The following USP7 variants were observed in gnomAD, a reference collection of about 807,000 sequenced individuals.
USP7 encodes the protein ubiquitin C-terminal hydrolase 7.
USP7 carries 9 observed loss-of-function variants against 162.9 expected under a neutral mutation model. The observed-to-expected ratio is 0.06, with a 90% CI of 0.03 to 0.10. USP7 has a LOEUF of 0.10. Ranked by LOEUF, USP7 falls within the 10% of genes least tolerant of loss-of-function variation. The probability of loss-of-function intolerance (pLI) is 1.00; values close to 1 mark genes in which losing one functional copy is unlikely to be tolerated. For synonymous variants in USP7, 562 were observed against 475.9 expected (o/e 1.18, Z -2.35); for missense variants, 715 against 1,373.7 (o/e 0.52, Z 7.58).
chr16:8,914,532 A>G (rs898780037), intron 10 of USP7, among the ~76,000 whole-genome samples: 28 of 152,244 alleles, frequency 1.8e-4, no homozygotes, highest in Non-Finnish European at 4.0e-4. Flanking sequence ...TTTTTGTGGT[A>G]TATTCTCAAA....
Position 8,902,183 on chromosome 16 carries a change from A to G in USP7, c.1946T>C (p.Ile649Thr), listed in dbSNP as rs1268381437. 6.2e-7 allele frequency: 1 copy of G among 1,613,946 alleles called. No individual in the cohort carries two copies. Among genetic ancestry groups the G allele is most frequent in the Non-Finnish European group, 8.5e-7 (1 of 1,180,000 alleles). ...AGGGTTTTCATTATCACTGAGCTCA[A>G]TCATCTATTTCCAAAAGAGACGCTG... ...DNEADGNKTM[I>T]ELSDNENPWT... The change falls in exon 18 of 31, where the codon ATT becomes ACT. Residue 649 changes from isoleucine (I) to threonine (T), a missense_variant. This residue lies in a region of USP7 where 197 missense variants were observed against 306.5 expected (regional missense o/e 0.64). Coordinates refer to ENST00000344836, the MANE Select transcript of USP7 (RefSeq NM_003470.3).
chr16:8,937,784 A>C (rs1898833207), intron 1 of USP7, among the ~76,000 whole-genome samples: 1 of 152,254 alleles, frequency 6.6e-6, no homozygotes, highest in African/African-American at 2.4e-5. Flanking sequence ...ACAAAAAAGC[A>C]GTTTGGGAGA....
chr16:8,954,870 G>C (rs1899719810), intron 1 of USP7, among the ~76,000 whole-genome samples: 1 of 152,300 alleles, frequency 6.6e-6, no homozygotes, highest in East Asian at 1.9e-4. Context: ...TGAGGCGGGA[G>C]AATGGTGTGA....
rs1567203399 is a variant in USP7, at chr16:8,894,536, G to GGC, written c.3202+13_3202+14insGC. ...GAAACCCACACCAGCCCCCGGGGGG[G>GGC]GGAGAACCCTTACCGGGCTGTGGCT... is the stretch of plus-strand genomic sequence containing the variant. On this transcript the variant is annotated intron_variant, in intron 30 of 30. Coordinates refer to ENST00000344836, the MANE Select transcript of USP7 (RefSeq NM_003470.3). 6.2e-7 allele frequency: 1 copy of GGC among 1,610,504 alleles called. No individual in the cohort carries two copies. Among genetic ancestry groups the GGC allele is most frequent in the Non-Finnish European group, 8.5e-7 (1 of 1,179,730 alleles).
At chr16:8,937,607 G>A (rs1898823476) in intron 1 of USP7, among the ~76,000 whole-genome samples, 1 of 152,134 alleles carries the variant, frequency 6.6e-6, no homozygotes, top group African/African-American at 2.4e-5. Context: ...GGCTGAGGTG[G>A]GACGTAAAGG....
At chr16:8,954,670 C>T (rs558054338) in intron 1 of USP7, among the ~76,000 whole-genome samples, 7 of 152,250 alleles carry the variant, frequency 4.6e-5, no homozygotes, top group African/African-American at 1.7e-4. Context: ...TTGAGGTTTG[C>T]GTAGTTTAAT....
chr16:8,949,040 G>A (rs893185310), intron 1 of USP7, among the ~76,000 whole-genome samples: 25 of 152,178 alleles, frequency 1.6e-4, no homozygotes, highest in Non-Finnish European at 3.2e-4. Flanking sequence ...GACTGCTAAT[G>A]GGTACAGGAT....
At position 8,961,198 on chromosome 16, in the gene USP7, AAAAGC is replaced by A. The variant is rs1899991795; in HGVS notation, c.79+2004_79+2008del. On this transcript the variant is annotated intron_variant, in intron 1 of 30. Coordinates refer to ENST00000344836, the MANE Select transcript of USP7 (RefSeq NM_003470.3). ...AAAATTCAACACCCTCTAGTCTTTT[AAAAGC>A]AAACACCGGCCAGGCGCGATGGCTC... Among the ~76,000 whole-genome samples the A allele has an allele frequency of 2.0e-5, 3 of 152,272 alleles. No homozygotes were observed. In the South Asian group the frequency reaches 6.2e-4, roughly 32 times the overall value.
At chr16:8,897,153 T>C in intron 25 of USP7, 54 bp from the exon 26 acceptor site, 2 of 1,363,998 alleles carry the variant, frequency 1.5e-6, no homozygotes, top group Non-Finnish European at 2.1e-6. Context: ...AAAGGTCTGC[T>C]ACCACAAAGG....
intron 6 of USP7, 132 bp from the exon 7 acceptor site, chr16:8,917,288 T>A: frequency 9.2e-7 from 1 of 1,086,192 alleles, no homozygotes; most frequent in Non-Finnish European, 1.2e-6. Flanking sequence ...TTGTTAGGGC[T>A]TTTAACGATC....
intron 1 of USP7, among the ~76,000 whole-genome samples, chr16:8,960,360 A>G (rs956022770): frequency 6.6e-6 from 1 of 152,200 alleles, no homozygotes; most frequent in Non-Finnish European, 1.5e-5. Flanking sequence ...ATTTCAAAAA[A>G]TAACTATTCC....
At chr16:8,939,246 T>G (rs1159200339) in intron 1 of USP7, among the ~76,000 whole-genome samples, 2 of 152,222 alleles carry the variant, frequency 1.3e-5, no homozygotes, top group African/African-American at 4.8e-5. Flanking sequence ...GTGGCCCTGT[T>G]ACGACCACCC....
intron 1 of USP7, among the ~76,000 whole-genome samples, chr16:8,947,006 T>C (rs1461390454): frequency 1.3e-5 from 2 of 152,212 alleles, no homozygotes; most frequent in African/African-American, 4.8e-5. Flanking sequence ...GAATTAACCT[T>C]CATTAAGTTA....
At chr16:8,930,001 C>A (rs1019725004) in intron 2 of USP7, among the ~76,000 whole-genome samples, 3 of 152,164 alleles carry the variant, frequency 2.0e-5, no homozygotes, top group African/African-American at 7.2e-5. Flanking sequence ...CTTGTTGTTC[C>A]CAATACTAGC....
At chr16:8,914,492 A>G (rs1282700846) in intron 10 of USP7, among the ~76,000 whole-genome samples, 4 of 152,218 alleles carry the variant, frequency 2.6e-5, no homozygotes, top group Non-Finnish European at 5.9e-5. Context: ...ACCAACCCAA[A>G]TATCAAGCAA....
chr16:8,894,323 G>A (rs954573740), intron 30 of USP7, among the ~76,000 whole-genome samples: 2 of 152,132 alleles, frequency 1.3e-5, no homozygotes, highest in African/African-American at 4.8e-5. Flanking sequence ...CAATCACCCT[G>A]CACACATATC....
intron 1 of USP7, among the ~76,000 whole-genome samples, chr16:8,931,971 G>T (rs1292043759): frequency 6.6e-6 from 1 of 152,170 alleles, no homozygotes; most frequent in Admixed American, 6.6e-5. Context: ...CCAGGTAGTT[G>T]TGTGTGTGGC....
chr16:8,945,585 A>G (rs973848659), intron 1 of USP7, among the ~76,000 whole-genome samples: 8 of 152,186 alleles, frequency 5.3e-5, no homozygotes, highest in Non-Finnish European at 1.0e-4. Flanking sequence ...GAGACTGGGG[A>G]CATACCGTGC....
intron 6 of USP7, 55 bp from the exon 7 acceptor site, chr16:8,917,211 A>C (rs1455399388): frequency 5.2e-6 from 8 of 1,539,342 alleles, no homozygotes; most frequent in Non-Finnish European, 7.0e-6. Context: ...GGGGAATTTA[A>C]AAAACAGTAA....
Sources: gnomAD v4.1 joint callset for allele counts (sites outside exome capture counted in the v4.1 genomes callset) on GRCh38, gnomAD v4.1.1 for gene constraint, gnomAD v4.1.1 regional missense constraint, MANE v1.5 for transcripts, NCBI Gene and HGNC (gene_info 2026-07-23, HGNC 2026-07-21) for gene names.